Variants in CHTF8 observed in about 807,000 individuals in gnomAD.
The protein encoded by CHTF8 is chromosome transmission fidelity factor 8, also known as chromosome transmission fidelity protein 8 homolog.
In CHTF8, 6 loss-of-function variants were observed where a neutral mutation model predicts 11.0. The ratio of observed to expected loss-of-function variants is 0.55; its 90% confidence interval spans 0.30 to 1.08. The LOEUF is 1.08. Ranked by LOEUF, CHTF8 falls within the 50% of genes least tolerant of loss-of-function variation. The probability of loss-of-function intolerance (pLI) is 0.07; values close to 1 mark genes in which losing one functional copy is unlikely to be tolerated. For missense variants in CHTF8, 140 were observed against 153.1 expected, an observed-to-expected ratio of 0.91 and a Z score of 0.45; for synonymous variants, 53 against 60.5, an observed-to-expected ratio of 0.88 and a Z score of 0.57.
chr16:69,118,270 C>T lies in CHTF8; in HGVS notation c.*2155G>A, dbSNP rs1051603968. On this transcript the variant is annotated 3_prime_UTR_variant, in exon 4 of 4. Coordinates refer to ENST00000448552, the MANE Select transcript of CHTF8 (RefSeq NM_001039690.5). ...ACCTCTAAGTCCCAGGAGAAGGGAGCTGCAGGCCCAGTCAGTCAAGCAGAA... is the reference window on the plus strand; with the variant it reads ...ACCTCTAAGTCCCAGGAGAAGGGAGTTGCAGGCCCAGTCAGTCAAGCAGAA... 13 of 846,494 alleles carry T rather than the reference C, an allele frequency of 1.5e-5. No individual in the cohort carries two copies. Among genetic ancestry groups the T allele is most frequent in the Non-Finnish European group, 2.6e-5 (13 of 493,516 alleles). 52.4% of individuals were successfully genotyped at this position (846,494 alleles called of 1,614,324 possible).
intron 1 of CHTF8, among the ~76,000 whole-genome samples, chr16:69,128,685 G>A (rs1321632336): frequency 6.6e-6 from 1 of 152,096 alleles, no homozygotes. Context: ...AAACTAAAAA[G>A]CTTTGGCTGT....
At chr16:69,127,549 T>C (rs955203576) in intron 1 of CHTF8, among the ~76,000 whole-genome samples, 27 of 150,622 alleles carry the variant, frequency 1.8e-4, no homozygotes, top group African/African-American at 5.6e-4. Flanking sequence ...GAATACGCTA[T>C]ACATGAAGTC....
At position 69,120,252 on chromosome 16, in the gene CHTF8, A is replaced by C; in HGVS notation, c.*173T>G. On this transcript the variant is annotated 3_prime_UTR_variant, in exon 4 of 4. Transcript: ENST00000448552. This position sits in a 1 kb window ranked among gnomAD's most constrained non-coding sequence, Gnocchi z 4.0. ...TCCTTGGAAATGGGGTCAGATTTCCACCAAGAGAACCGGCCGCCATAAGGA... is the reference window on the plus strand; with the variant it reads ...TCCTTGGAAATGGGGTCAGATTTCCCCCAAGAGAACCGGCCGCCATAAGGA... 1 of 718,512 alleles carries C rather than the reference A, an allele frequency of 1.4e-6. No individual in the cohort carries two copies. Among genetic ancestry groups the C allele is most frequent in the Non-Finnish European group, 2.5e-6 (1 of 396,890 alleles). The allele number at this position is 718,512 out of a possible 1,614,324, so 44.5% of individuals were successfully genotyped here. A position where few individuals can be genotyped will look rare whatever the true frequency, so the allele number is the denominator to read the frequency against.
intron 1 of CHTF8, among the ~76,000 whole-genome samples, chr16:69,125,007 C>T (rs1961957044): frequency 6.6e-6 from 1 of 151,778 alleles, no homozygotes; most frequent in East Asian, 1.9e-4. Flanking sequence ...CGAATTCAAG[C>T]AATTCTCATG....
At chr16:69,121,386 A>G (rs1234311852) in intron 2 of CHTF8, 50 bp downstream of exon 2, 1 of 1,514,750 alleles carries the variant, frequency 6.6e-7, no homozygotes, top group African/African-American at 1.4e-5. Context: ...GCACACCTCT[A>G]TAGCCCTCAT....
In CHTF8 at chr16:69,118,227, G is replaced by A. The variant is rs1308374490; in HGVS notation, c.*2198C>T. 4 of 621,480 alleles carry A rather than the reference G, an allele frequency of 6.4e-6. No homozygotes were observed. Among genetic ancestry groups the A allele is most frequent in the Non-Finnish European group, 9.0e-6 (3 of 334,166 alleles). 38.5% of individuals were successfully genotyped at this position (621,480 alleles called of 1,614,324 possible). ...GTGAAGAGGGAGTTGGATGAGTAGA[G>A]GGGCCTTAAATCTGGCCACCTCTAA... On this transcript the variant is annotated 3_prime_UTR_variant, in exon 4 of 4. Transcript: ENST00000448552.
rs1961577466 is a variant in CHTF8, at chr16:69,120,594, A to G, written c.197T>C (p.Leu66Pro). ...HHILYGKIIH[L>P]EKPFAVLVKH... ...GACAAGGACTGCAAAAGGTTTCTCC[A>G]GGTGGATGATTTTCCCATACAGGAT... Residue 66 changes from leucine to proline, a missense_variant, in exon 4 of 4, where the codon CTG (leucine) becomes CCG (proline). Transcript: ENST00000448552. This position sits in a 1 kb window ranked among gnomAD's most constrained non-coding sequence, Gnocchi z 4.0. 5 of 1,613,998 alleles carry G rather than the reference A, an allele frequency of 3.1e-6. No homozygotes were observed. The highest frequency in any genetic ancestry group is 4.2e-6 in the Non-Finnish European group (5 of 1,179,890).
chr16:69,132,302 C>A (rs1245061067), intron 1 of CHTF8, among the ~76,000 whole-genome samples, 182 bp downstream of exon 1: 1 of 143,934 alleles, frequency 6.9e-6, no homozygotes, highest in Non-Finnish European at 1.5e-5. Context: ...CCGCCCTCCC[C>A]CTTCCCGGCC....
At chr16:69,129,153 G>A (rs776178521) in intron 1 of CHTF8, among the ~76,000 whole-genome samples, 2 of 150,626 alleles carry the variant, frequency 1.3e-5, no homozygotes, top group African/African-American at 4.9e-5. Flanking sequence ...GGCAGAGGCC[G>A]GGTGCGGTGG....
Position 69,118,046 on chromosome 16 carries a change from A to AAGAT in CHTF8, c.*2375_*2378dup, listed in dbSNP as rs1961283544. 4.7e-6 allele frequency: 2 copies of AAGAT among 423,222 alleles called. No homozygotes were observed. The highest frequency in any genetic ancestry group is 8.6e-6 in the Non-Finnish European group (2 of 231,820). 26.2% of individuals were successfully genotyped at this position (423,222 alleles called of 1,614,324 possible). On this transcript the variant is annotated 3_prime_UTR_variant, in exon 4 of 4. Coordinates refer to ENST00000448552, the MANE Select transcript of CHTF8 (RefSeq NM_001039690.5). Reference sequence around the variant, plus strand: ...CCATTTATTAAAGAAACAGTAAGAAAAGATACAATGCAGGAAAACCACCAA... The same window carrying AAGAT: ...CCATTTATTAAAGAAACAGTAAGAAAAGATAGATACAATGCAGGAAAACCACCAA...
At chr16:69,121,671 G>GTT (rs893564251) in intron 1 of CHTF8, among the ~76,000 whole-genome samples, 178 bp from the exon 2 acceptor site, 10 of 141,272 alleles carry the variant, frequency 7.1e-5, no homozygotes, top group Non-Finnish European at 1.1e-4. Context: ...TAGAGATGGG[G>GTT]TTTTTTTTTT....
At chr16:69,128,409 C>T (rs913987009) in intron 1 of CHTF8, among the ~76,000 whole-genome samples, 3 of 152,144 alleles carry the variant, frequency 2.0e-5, no homozygotes, top group Non-Finnish European at 2.9e-5. Context: ...TCATGTGTAG[C>T]CTTGGAAAGA....
chr16:69,124,857 ACT>A (rs1961941580), intron 1 of CHTF8, among the ~76,000 whole-genome samples: 1 of 151,860 alleles, frequency 6.6e-6, no homozygotes, highest in Admixed American at 6.6e-5. Flanking sequence ...TTATAGTATG[ACT>A]CTACTCCTAG....
At chr16:69,127,534 T>G (rs1403702343) in intron 1 of CHTF8, among the ~76,000 whole-genome samples, 1 of 152,104 alleles carries the variant, frequency 6.6e-6, no homozygotes, top group Non-Finnish European at 1.5e-5. Context: ...AAGGCACGAT[T>G]TGATGAATAC....
intron 1 of CHTF8, chr16:69,131,504 C>G: frequency 6.9e-6 from 1 of 145,968 alleles, no homozygotes; most frequent in Non-Finnish European, 1.5e-5. Context: ...ATCTTCTCCA[C>G]CCACTCCCTC....
At chr16:69,123,591 A>G (rs531829754) in intron 1 of CHTF8, among the ~76,000 whole-genome samples, 1 of 152,064 alleles carries the variant, frequency 6.6e-6, no homozygotes, top group Non-Finnish European at 1.5e-5. Flanking sequence ...CTGGGAGGCA[A>G]AGGTTACGGT....
At chr16:69,131,056 AG>A (rs1192960391) in intron 1 of CHTF8, among the ~76,000 whole-genome samples, 2 of 152,212 alleles carry the variant, frequency 1.3e-5, no homozygotes, top group Non-Finnish European at 2.9e-5. Context: ...TGAAGGGGAC[AG>A]GTCTATACTT....
chr16:69,118,884 T>C lies in CHTF8; in HGVS notation c.*1541A>G. 2.8e-6 allele frequency: 2 copies of C among 703,016 alleles called. No individual in the cohort carries two copies. Among genetic ancestry groups the C allele is most frequent in the Non-Finnish European group, 5.2e-6 (2 of 384,970 alleles). The allele number at this position is 703,016 out of a possible 1,614,324, so 43.5% of individuals were successfully genotyped here. ...GGGGCAACATTCCATTTGGGTACATTGCAGCCATTGGACCCCCTGGTCTGG... is the reference window on the plus strand; with the variant it reads ...GGGGCAACATTCCATTTGGGTACATCGCAGCCATTGGACCCCCTGGTCTGG... On this transcript the variant is annotated 3_prime_UTR_variant, in exon 4 of 4. Transcript: ENST00000448552.
rs769730716 is a variant in CHTF8, at chr16:69,121,427, T to C, written c.23+9A>G. On this transcript the variant is annotated intron_variant, in intron 2 of 3. Transcript: ENST00000448552. ...CAAGCCAAATTTTAAAATCTCAAAA[T>C]GTACTTACCTGGAAATAACAATTTG... 6.9e-6 allele frequency: 11 copies of C among 1,604,780 alleles called. No homozygotes were observed. Among genetic ancestry groups the C allele is most frequent in the Non-Finnish European group, 8.5e-6 (10 of 1,177,074 alleles).
Sources: allele counts gnomAD v4.1 joint callset (sites outside exome capture counted in the v4.1 genomes callset), GRCh38; gene constraint gnomAD v4.1.1; non-coding constraint Gnocchi (gnomAD v3.1); transcripts MANE v1.5; gene names NCBI Gene and HGNC (gene_info 2026-07-23, HGNC 2026-07-21).